The following EPN2 variants were observed in gnomAD, a reference collection of about 807,000 sequenced individuals.
EPN2 encodes the protein epsin-2.
In EPN2, 34 loss-of-function variants were observed where a neutral mutation model predicts 61.7. The observed-to-expected ratio is 0.55, with a 90% CI of 0.42 to 0.73. The LOEUF (loss-of-function observed/expected upper bound fraction) is 0.73. Among genes scored for constraint, EPN2 ranks in the 30% least tolerant of loss-of-function variants. The probability of loss-of-function intolerance (pLI) is 0.00; values close to 1 mark genes in which losing one functional copy is unlikely to be tolerated. For synonymous variants in EPN2, 349 were observed against 353.6 expected (o/e 0.99, Z 0.15); for missense variants, 714 against 839.2 (o/e 0.85, Z 1.84).
At chr17:19,326,738 G>GC (rs777884610) in intron 7 of EPN2, among the ~76,000 whole-genome samples, 1 of 146,202 alleles carries the variant, frequency 6.8e-6, no homozygotes, top group Non-Finnish European at 1.5e-5. Context: ...AATGTAGAGA[G>GC]CCCAGTAATA....
intron 4 of EPN2, among the ~76,000 whole-genome samples, chr17:19,304,773 G>A (rs1008371801): frequency 2.6e-5 from 4 of 152,188 alleles, no homozygotes; most frequent in Non-Finnish European, 4.4e-5. Context: ...GCTTGTCAGC[G>A]GTGGGGACAA....
intron 1 of EPN2, among the ~76,000 whole-genome samples, chr17:19,254,527 C>T (rs1037569186): frequency 1.3e-5 from 2 of 151,996 alleles, no homozygotes; most frequent in Admixed American, 6.6e-5. Flanking sequence ...GGGGACAGAG[C>T]GAGACTCTGT....
intron 1 of EPN2, among the ~76,000 whole-genome samples, chr17:19,239,648 A>G (rs2044861480): frequency 1.3e-5 from 2 of 152,202 alleles, no homozygotes; most frequent in South Asian, 2.1e-4. Context: ...GCGTCCCACA[A>G]GTCCCCGGAC....
intron 1 of EPN2, among the ~76,000 whole-genome samples, chr17:19,275,280 C>T (rs1031372627): frequency 6.6e-6 from 1 of 152,226 alleles, no homozygotes; most frequent in Non-Finnish European, 1.5e-5. Context: ...ACCTCTGGTT[C>T]TCTCAGGTGC....
chr17:19,307,317 C>T (rs1905892225), intron 4 of EPN2, among the ~76,000 whole-genome samples: 1 of 148,014 alleles, frequency 6.8e-6, no homozygotes, highest in South Asian at 2.1e-4. Context: ...CTGCAACTTT[C>T]TTTTTTTTTT....
chr17:19,331,394 G>A (rs577285869), intron 9 of EPN2, among the ~76,000 whole-genome samples: 3 of 152,142 alleles, frequency 2.0e-5, no homozygotes, highest in Non-Finnish European at 2.9e-5. Flanking sequence ...CATTCCTACC[G>A]GCCTGGCTCA....
intron 4 of EPN2, among the ~76,000 whole-genome samples, chr17:19,300,427 C>CGT (rs35717704): frequency 9.2e-6 from 1 of 108,932 alleles, no homozygotes; most frequent in Non-Finnish European, 1.7e-5. Flanking sequence ...AACTGTAAAT[C>CGT]TTTTTTTTTT....
intron 7 of EPN2, among the ~76,000 whole-genome samples, chr17:19,316,944 G>A (rs1010087376): frequency 6.6e-6 from 1 of 152,220 alleles, no homozygotes; most frequent in African/African-American, 2.4e-5. Context: ...AAGCGTGTTA[G>A]CACACCCTCT....
At chr17:19,312,239 G>C in intron 6 of EPN2, 95 bp downstream of exon 6, 1 of 861,256 alleles carries the variant, frequency 1.2e-6, no homozygotes, top group Non-Finnish European at 2.0e-6. Context: ...GTGATGCACA[G>C]TGAGTTCTCC....
intron 4 of EPN2, among the ~76,000 whole-genome samples, chr17:19,291,865 C>T (rs1318972006): frequency 6.6e-6 from 1 of 152,196 alleles, no homozygotes; most frequent in Non-Finnish European, 1.5e-5. Context: ...AAGCTGTCTT[C>T]ATAACAAGGG....
At chr17:19,277,663 C>A (rs1304469945) in intron 1 of EPN2, among the ~76,000 whole-genome samples, 1 of 152,214 alleles carries the variant, frequency 6.6e-6, no homozygotes. Flanking sequence ...CCCACTGGCA[C>A]TGCTGGAGTC....
At chr17:19,319,042 C>T (rs917403423) in intron 7 of EPN2, among the ~76,000 whole-genome samples, 4 of 151,686 alleles carry the variant, frequency 2.6e-5, no homozygotes, top group Admixed American at 2.6e-4. Context: ...ACTAAAAATA[C>T]AAAAAATTAG....
chr17:19,329,495 T>G, intron 8 of EPN2, 66 bp from the exon 9 acceptor site: 1 of 957,140 alleles, frequency 1.0e-6, no homozygotes, highest in Non-Finnish European at 1.7e-6. Context: ...GGGTGTGCAC[T>G]GGGCAGTGGA....
At chr17:19,286,446 G>C (rs916089675) in intron 4 of EPN2, among the ~76,000 whole-genome samples, 1 of 152,124 alleles carries the variant, frequency 6.6e-6, no homozygotes, top group Non-Finnish European at 1.5e-5. Flanking sequence ...AATGTATCCT[G>C]ATCAGAGCCT....
chr17:19,282,797 C>G (rs1430334213), intron 2 of EPN2, 153 bp from the exon 3 acceptor site: 1 of 224,946 alleles, frequency 4.4e-6, no homozygotes, highest in Non-Finnish European at 8.7e-6. Context: ...TCATTGTTGA[C>G]TGGTGATATT....
At position 19,333,990 on chromosome 17, in the gene EPN2, C is replaced by T. The variant is rs1272715847; in HGVS notation, c.1662C>T (p.Phe554=). ...CCACCTCGGCCCCTGTTAACCCTTT[C>T]CAGGTGAACCAGCCCCAGCCGCTGA... The part of the protein sequence containing the change: ...APATSAPVNP[F]QVNQPQPLTL... Residue 554 remains phenylalanine, a synonymous_variant, in exon 11 of 11, where the codon TTC becomes TTT. Transcript: ENST00000314728. 1 of 1,580,626 alleles carries T rather than the reference C, an allele frequency of 6.3e-7. No homozygotes were observed. The highest frequency in any genetic ancestry group is 8.6e-7 in the Non-Finnish European group (1 of 1,158,852).
At chr17:19,239,781 G>A (rs566483626) in intron 1 of EPN2, among the ~76,000 whole-genome samples, 2 of 152,332 alleles carry the variant, frequency 1.3e-5, no homozygotes, top group South Asian at 2.1e-4. Flanking sequence ...CCAGCAGTGT[G>A]TGTTGGGCCA....
chr17:19,335,180 A>C lies in EPN2; in HGVS notation c.*926A>C, dbSNP rs1362246205. 3 of 388,466 alleles carry C rather than the reference A, an allele frequency of 7.7e-6. No individual in the cohort carries two copies. The highest frequency in any genetic ancestry group is 1.4e-5 in the Non-Finnish European group (3 of 218,050). 24.1% of individuals were successfully genotyped at this position (388,466 alleles called of 1,614,324 possible). A position where few individuals can be genotyped will look rare whatever the true frequency, so the allele number is the denominator to read the frequency against. On this transcript the variant is annotated 3_prime_UTR_variant, in exon 11 of 11. Transcript: ENST00000314728. Reference sequence around the variant, plus strand: ...ATAGATGATGATGTTTATTTAAAAAAAAAACAACAGCAACAAAAAATCCTA... The same window carrying C: ...ATAGATGATGATGTTTATTTAAAAACAAAACAACAGCAACAAAAAATCCTA...
chr17:19,321,138 G>C (rs1002928825), intron 7 of EPN2, among the ~76,000 whole-genome samples: 28 of 152,174 alleles, frequency 1.8e-4, no homozygotes, highest in African/African-American at 6.8e-4. Context: ...GCTGCAGAGT[G>C]GGGGCTGGGC....
Sources: gnomAD v4.1 joint callset for allele counts (sites outside exome capture counted in the v4.1 genomes callset) on GRCh38, gnomAD v4.1.1 for gene constraint, MANE v1.5 for transcripts, NCBI Gene and HGNC (gene_info 2026-07-23, HGNC 2026-07-21) for gene names.